FDPS: variants seen among roughly 807,000 people sequenced by gnomAD.
FDPS encodes the protein farnesyl diphosphate synthase.
Under a neutral mutation model 49.5 loss-of-function variants are expected in FDPS, and 29 were observed. The ratio of observed to expected loss-of-function variants is 0.59; its 90% CI spans 0.44 to 0.80. FDPS has a LOEUF of 0.80. FDPS is among the 30% of genes least tolerant of loss of function. The pLI, the probability that FDPS is intolerant of heterozygous loss-of-function variation, is 0.00. For missense variants in FDPS, 414 were observed against 525.6 expected (o/e 0.79, Z 2.08); for synonymous variants, 172 against 206.4 (o/e 0.83, Z 1.43).
rs1320232850 is a variant in FDPS at position 155,309,773 on chromosome 1, C to T, written c.-1-16C>T. 5.2e-6 allele frequency: 8 copies of T among 1,526,588 alleles called. No homozygotes were observed. In the African/African-American group the frequency reaches 1.1e-4, roughly 21 times the overall value. 94.6% of individuals were successfully genotyped at this position (1,526,588 alleles called of 1,614,324 possible). A position where few individuals can be genotyped will look rare whatever the true frequency, so the allele number is the denominator to read the frequency against. On this transcript the variant is annotated splice_polypyrimidine_tract_variant and intron_variant, in intron 1 of 10. Transcript: ENST00000368356. ...TGCAGGGAGTGCTTAGTGCCCCCTC[C>T]CTATGCCACTCCCAGGATGCCCCTG...
At chr1:155,320,031 C>A in intron 10 of FDPS, 103 bp downstream of exon 10, 1 of 1,373,836 alleles carries the variant, frequency 7.3e-7, no homozygotes, top group Non-Finnish European at 1.0e-6. Context: ...TTGGCAATGT[C>A]AGCAGACATT....
rs2148247066 is a variant in FDPS, at chr1:155,318,530, T to A, written c.685-135T>A. The A allele has an allele frequency of 1.2e-6, 1 of 841,128 alleles. No individual in the cohort carries two copies. Among genetic ancestry groups the A allele is most frequent in the East Asian group, 2.6e-5 (1 of 38,702 alleles). 52.1% of individuals were successfully genotyped at this position (841,128 alleles called of 1,614,324 possible). A position where few individuals can be genotyped will look rare whatever the true frequency, so the allele number is the denominator to read the frequency against. ...TGTGTATGAATATGGGCCTTAAGTT[T>A]TGGGGCTTTCTCCCCTTCTGTTGCC... is the stretch of plus-strand genomic sequence containing the variant. On this transcript the variant is annotated intron_variant, in intron 6 of 10. Coordinates refer to ENST00000368356, the MANE Select transcript of FDPS (RefSeq NM_002004.4). The surrounding 1 kb of genome is among the most constrained non-coding windows in gnomAD (Gnocchi z 4.2).
chr1:155,318,040 TAGC>T lies in FDPS; in HGVS notation c.561+22_561+24del. The T allele has an allele frequency of 6.2e-7, 1 of 1,613,526 alleles. No individual in the cohort carries two copies. ...TCAGAAGGTAATGTGGGCAGGAAAATAGCAGTGGGTATGGGGACAGGCCACAGG... is the reference window on the plus strand; with the variant it reads ...TCAGAAGGTAATGTGGGCAGGAAAATAGTGGGTATGGGGACAGGCCACAGG... On this transcript the variant is annotated intron_variant, in intron 5 of 10. Coordinates refer to ENST00000368356, the MANE Select transcript of FDPS (RefSeq NM_002004.4). The surrounding 1 kb of genome is among the most constrained non-coding windows in gnomAD (Gnocchi z 4.2).
At chr1:155,310,233 A>C in intron 3 of FDPS, 28 bp downstream of exon 3, 1 of 1,611,622 alleles carries the variant, frequency 6.2e-7, no homozygotes, top group Non-Finnish European at 8.5e-7. Flanking sequence ...TGGGGGAGTA[A>C]GGCTTTGGTT....
Position 155,318,091 on chromosome 1 carries a change from T to C in FDPS, c.561+70T>C. ...AGGGAGGTGGTTATATATGGCCTGG[T>C]TGAGGTGTTGGGGTGATGGCTCTTA... On this transcript the variant is annotated intron_variant, in intron 5 of 10. Transcript: ENST00000368356. The surrounding 1 kb of genome is among the most constrained non-coding windows in gnomAD (Gnocchi z 4.2). 1 of 1,611,238 alleles carries C rather than the reference T, an allele frequency of 6.2e-7. No homozygotes were observed. The highest frequency in any genetic ancestry group is 8.5e-7 in the Non-Finnish European group (1 of 1,177,596).
chr1:155,312,384 T>C lies in FDPS; in HGVS notation c.469T>C (p.Cys157Arg). 1 of 1,613,742 alleles carries C rather than the reference T, an allele frequency of 6.2e-7. No individual in the cohort carries two copies. Among genetic ancestry groups the C allele is most frequent in the Non-Finnish European group, 8.5e-7 (1 of 1,179,872 alleles). ...CCAGCGGGCCTGGACTGTGGGCTGG[T>C]GTGTGGAACTGGTGAGAGGGGTAGG... ...SLQRAWTVGW[C>R]VELLQAFFLV... Residue 157 changes from cysteine (C) to arginine (R), a missense_variant, in exon 4 of 11, where the codon TGT becomes CGT. By Grantham distance (180) the Cys-to-Arg change is radical (BLOSUM62 -3). Transcript: ENST00000368356.
At chr1:155,315,272 T>C (rs1026924172) in intron 4 of FDPS, among the ~76,000 whole-genome samples, 8 of 152,152 alleles carry the variant, frequency 5.3e-5, no homozygotes, top group African/African-American at 1.9e-4. Context: ...AGGCCAAGTG[T>C]AGTGGCTCAT....
Position 155,318,938 on chromosome 1 carries a change from C to G in FDPS, c.846+10C>G. 1.9e-6 allele frequency: 3 copies of G among 1,597,302 alleles called. No individual in the cohort carries two copies. Among genetic ancestry groups the G allele is most frequent in the Non-Finnish European group, 2.6e-6 (3 of 1,165,424 alleles). ...TGCAGCCATGTACATGGTGAGTGAG[C>G]CTCCTCACCCCTCTCTGCTCTGCTG... On this transcript the variant is annotated intron_variant, in intron 8 of 10. Coordinates refer to ENST00000368356, the MANE Select transcript of FDPS (RefSeq NM_002004.4). This position sits in a 1 kb window ranked among gnomAD's most constrained non-coding sequence, Gnocchi z 4.2.
chr1:155,315,342 C>T lies in FDPS; in HGVS notation c.481-2599C>T, dbSNP rs142970612. Among the ~76,000 whole-genome samples, 57 of 151,710 alleles carry T rather than the reference C, an allele frequency of 3.8e-4. 1 individual carries two copies. In the East Asian group the frequency reaches 0.011, roughly 29 times the overall value. ...GGTGGATCACCTGAGGTCAGGAGTT[C>T]GAGACCAGCCTGACCAACATGGGGA... On this transcript the variant is annotated intron_variant, in intron 4 of 10. Transcript: ENST00000368356.
At chr1:155,316,012 T>A (rs543604036) in intron 4 of FDPS, among the ~76,000 whole-genome samples, 2 of 152,276 alleles carry the variant, frequency 1.3e-5, no homozygotes, top group Admixed American at 1.3e-4. Context: ...CCCAGCACTT[T>A]GGGAGGCCAA....
At chr1:155,314,779 G>GT (rs766090794) in intron 4 of FDPS, among the ~76,000 whole-genome samples, 315 of 144,012 alleles carry the variant, frequency 2.2e-3, no homozygotes, top group Non-Finnish European at 2.6e-3. Context: ...CCTGGCCTGG[G>GT]TTTTTTTTTT....
At chr1:155,314,436 C>A (rs769625701) in intron 4 of FDPS, among the ~76,000 whole-genome samples, 1 of 151,742 alleles carries the variant, frequency 6.6e-6, no homozygotes, top group Non-Finnish European at 1.5e-5. Context: ...ATCTCGGCCT[C>A]CTAAAGTGTT....
Position 155,319,698 on chromosome 1 carries a change from C to T in FDPS, c.924+10C>T. 6.2e-7 allele frequency: 1 copy of T among 1,614,160 alleles called. No individual in the cohort carries two copies. The highest frequency in any genetic ancestry group is 1.6e-4 in the Middle Eastern group (1 of 6,062). ...GTTCTTTCAGATTCAGGTAAGAAGG[C>T]AGGAGGCAGTAGCAGAGAACAGGCA... is the stretch of plus-strand genomic sequence containing the variant. On this transcript the variant is annotated intron_variant, in intron 9 of 10. Transcript: ENST00000368356.
intron 3 of FDPS, 106 bp downstream of exon 3, chr1:155,310,311 A>C: frequency 1.1e-6 from 1 of 949,588 alleles, no homozygotes; most frequent in East Asian, 2.7e-5. Flanking sequence ...TGTGAGAGAA[A>C]GCTTTTTTTT....
intron 3 of FDPS, 111 bp downstream of exon 3, chr1:155,310,316 T>TTC: frequency 1.1e-6 from 1 of 881,314 alleles, no homozygotes; most frequent in Non-Finnish European, 1.7e-6. Context: ...GAGAAAGCTT[T>TTC]TTTTTTTTTT....
intron 4 of FDPS, 112 bp from the exon 5 acceptor site, chr1:155,317,829 T>C: frequency 1.3e-6 from 1 of 773,444 alleles, no homozygotes; most frequent in Non-Finnish European, 2.1e-6. Context: ...AGTGAGACTC[T>C]GTCCCCTACC....
chr1:155,317,730 G>A (rs1371044745), intron 4 of FDPS: 1 of 526,608 alleles, frequency 1.9e-6, no homozygotes, highest in Non-Finnish European at 3.4e-6. Context: ...TATGGTCTCA[G>A]GAACTCAGGA....
At position 155,318,321 on chromosome 1, in the gene FDPS, A is replaced by G. The variant is rs1649739335; in HGVS notation, c.684+30A>G. ...ATTGCAGACAGGGCCCGATGCCCAG[A>G]GGGTGCCCATGGTAGCCTTGGCCTC... On this transcript the variant is annotated intron_variant, in intron 6 of 10. Coordinates refer to ENST00000368356, the MANE Select transcript of FDPS (RefSeq NM_002004.4). This position sits in a 1 kb window ranked among gnomAD's most constrained non-coding sequence, Gnocchi z 4.2. The G allele has an allele frequency of 1.5e-5, 24 of 1,605,960 alleles. No homozygotes were observed. Among genetic ancestry groups the G allele is most frequent in the Non-Finnish European group, 2.0e-5 (24 of 1,179,846 alleles).
rs544343798 is a variant in FDPS, at chr1:155,320,177, T to G, written c.1060-232T>G. 6 of 643,016 alleles carry G rather than the reference T, an allele frequency of 9.3e-6. No homozygotes were observed. The South Asian group carries it at 1.2e-4, about 13-fold the overall frequency. The allele number at this position is 643,016 out of a possible 1,614,324, so 39.8% of individuals were successfully genotyped here. ...AGGATTATCTGGTCCCAAATTTCAATAGTGCCAAGGTGGAGAAACCCTGGA... is the reference window on the plus strand; with the variant it reads ...AGGATTATCTGGTCCCAAATTTCAAGAGTGCCAAGGTGGAGAAACCCTGGA... On this transcript the variant is annotated intron_variant, in intron 10 of 10. Transcript: ENST00000368356.
Sources: gnomAD v4.1 joint callset for allele counts (sites outside exome capture counted in the v4.1 genomes callset) on GRCh38, gnomAD v4.1.1 for gene constraint, Gnocchi (gnomAD v3.1) non-coding constraint, MANE v1.5 for transcripts, NCBI Gene and HGNC (gene_info 2026-07-23, HGNC 2026-07-21) for gene names.